The following TNS3 variants were observed in gnomAD, a reference collection of about 807,000 sequenced individuals.
TNS3 encodes tensin 3.
A neutral mutation model predicts 140.9 loss-of-function variants in TNS3; 45 were observed. The observed-to-expected ratio is 0.32, with a 90% CI of 0.25 to 0.41. The LOEUF is 0.41. TNS3 is among the 10% of genes least tolerant of loss of function. The pLI, the probability that TNS3 is intolerant of heterozygous loss-of-function variation, is 1.00. For missense variants in TNS3, 1,716 were observed against 1,906.7 expected (o/e 0.90, Z 1.86); for synonymous variants, 815 against 788.4 (o/e 1.03, Z -0.56).
chr7:47,495,586 A>G (rs1472158738), intron 3 of TNS3, among the ~76,000 whole-genome samples: 1 of 152,132 alleles, frequency 6.6e-6, no homozygotes, highest in African/African-American at 2.4e-5. Context: ...GGAAGACCTG[A>G]GTCTGAACGG....
intron 10 of TNS3, 67 bp from the exon 11 acceptor site, chr7:47,415,273 A>C: frequency 4.5e-6 from 5 of 1,110,324 alleles, no homozygotes; most frequent in Non-Finnish European, 6.5e-6. Context: ...AAGGGAACTC[A>C]AGGAGAAACA....
intron 4 of TNS3, among the ~76,000 whole-genome samples, chr7:47,469,545 A>T (rs1796858874): frequency 6.6e-6 from 1 of 152,248 alleles, no homozygotes; most frequent in African/African-American, 2.4e-5. Context: ...CAACTCACTT[A>T]TGGGTACATA....
rs1040085500 is a variant in TNS3, at chr7:47,546,783, G to A, written c.-264-17636C>T. Among the ~76,000 whole-genome samples, 9 of 152,176 alleles carry A rather than the reference G, an allele frequency of 5.9e-5. No individual in the cohort carries two copies. In the East Asian group the frequency reaches 1.3e-3, roughly 23 times the overall value. ...TAGCAGGGAACAGACATGGGCTTGC[G>A]GCATACCCCACTCATACTATAAACT... is the stretch of plus-strand genomic sequence containing the variant. On this transcript the variant is annotated intron_variant, in intron 1 of 30. Transcript: ENST00000311160.
chr7:47,529,548 T>A (rs1799319595), intron 1 of TNS3, among the ~76,000 whole-genome samples: 1 of 152,236 alleles, frequency 6.6e-6, no homozygotes, highest in Non-Finnish European at 1.5e-5. Flanking sequence ...CTGGAAAAAG[T>A]AATTAGCTAA....
intron 13 of TNS3, among the ~76,000 whole-genome samples, chr7:47,411,020 T>A (rs986049311): frequency 6.6e-6 from 1 of 152,240 alleles, no homozygotes; most frequent in Non-Finnish European, 1.5e-5. Flanking sequence ...TTGCACCAGC[T>A]GTATTTCACA....
chr7:47,411,733 A>G lies in TNS3; in HGVS notation c.717T>C (p.Asp239=). ...VIEPAQLLKG[D]VMVKCYHKKY... ...GGCCACAGCGGGCACTCACCATGACATCTCCCTTCAGAAGCTGGGCCGGCT... is the reference window on the plus strand; with the variant it reads ...GGCCACAGCGGGCACTCACCATGACGTCTCCCTTCAGAAGCTGGGCCGGCT... Residue 239 remains aspartate, a synonymous_variant, in exon 13 of 31, where the codon GAT becomes GAC. Coordinates refer to ENST00000311160, the MANE Select transcript of TNS3 (RefSeq NM_022748.12). 6.2e-7 allele frequency: 1 copy of G among 1,611,480 alleles called. No individual in the cohort carries two copies. The highest frequency in any genetic ancestry group is 1.3e-5 in the African/African-American group (1 of 74,980).
chr7:47,395,451 T>C (rs558176153), intron 16 of TNS3, among the ~76,000 whole-genome samples: 16 of 152,352 alleles, frequency 1.1e-4, no homozygotes, highest in African/African-American at 3.6e-4. Flanking sequence ...AATATAGCTA[T>C]GCAGATGCAA....
intron 3 of TNS3, among the ~76,000 whole-genome samples, chr7:47,482,774 C>T (rs1267413791): frequency 6.6e-6 from 1 of 151,972 alleles, no homozygotes; most frequent in African/African-American, 2.4e-5. Context: ...GGCAGGAAAA[C>T]ACAAAGAGGA....
chr7:47,567,579 G>A (rs116945813), intron 1 of TNS3, among the ~76,000 whole-genome samples: 6,703 of 151,762 alleles, frequency 0.044, 222 homozygotes, highest in Non-Finnish European at 0.062. Context: ...AGCTACTTGG[G>A]AGGCTGAGGC....
intron 20 of TNS3, among the ~76,000 whole-genome samples, chr7:47,308,387 A>C (rs1449267577): frequency 6.6e-6 from 1 of 152,214 alleles, no homozygotes; most frequent in Non-Finnish European, 1.5e-5. Flanking sequence ...AGTAAAAATA[A>C]ATGTCTTAAT....
intron 10 of TNS3, among the ~76,000 whole-genome samples, chr7:47,420,674 C>T (rs1794328561): frequency 6.6e-6 from 1 of 152,182 alleles, no homozygotes. Flanking sequence ...CACACTTGAC[C>T]TTCATGTGCC....
chr7:47,366,897 C>T (rs1562643633), intron 17 of TNS3, among the ~76,000 whole-genome samples: 1 of 152,232 alleles, frequency 6.6e-6, no homozygotes, highest in Non-Finnish European at 1.5e-5. Flanking sequence ...GTTACCAGCA[C>T]ATGGTGGGAA....
rs991590732 is a variant in TNS3 at position 47,280,155 on chromosome 7, G to A, written c.4193+9C>T. ...AAGGAGAGAATGTAAAGAAATCTCA[G>A]CAACTTACTTTGAGGAAGGGCCATC... On this transcript the variant is annotated intron_variant, in intron 30 of 30. Transcript: ENST00000311160. 2.5e-6 allele frequency: 4 copies of A among 1,613,996 alleles called. No individual in the cohort carries two copies. The African/African-American group carries it at 5.3e-5, about 22-fold the overall frequency.
At chr7:47,454,998 C>T (rs10267981) in intron 4 of TNS3, among the ~76,000 whole-genome samples, 1 of 152,208 alleles carries the variant, frequency 6.6e-6, no homozygotes, top group African/African-American at 2.4e-5. Context: ...CCCACCCAAA[C>T]TCACACAGAT....
chr7:47,298,662 A>G (rs1335686637), intron 23 of TNS3, among the ~76,000 whole-genome samples: 2 of 152,236 alleles, frequency 1.3e-5, no homozygotes, highest in Non-Finnish European at 2.9e-5. Context: ...TGAACCAGTA[A>G]GTGCTGGGAT....
chr7:47,574,917 A>G (rs1198245701), intron 1 of TNS3, among the ~76,000 whole-genome samples: 1 of 152,130 alleles, frequency 6.6e-6, no homozygotes, highest in East Asian at 1.9e-4. Flanking sequence ...CAAAATGGAA[A>G]GAGTTCTGGA....
chr7:47,560,220 A>G (rs1800295288), intron 1 of TNS3, among the ~76,000 whole-genome samples: 1 of 151,816 alleles, frequency 6.6e-6, no homozygotes. Flanking sequence ...GAGCCTCAGG[A>G]TGGGCTTAGG....
At chr7:47,315,434 T>C (rs1787342337) in intron 20 of TNS3, among the ~76,000 whole-genome samples, 1 of 152,194 alleles carries the variant, frequency 6.6e-6, no homozygotes, top group Admixed American at 6.5e-5. Context: ...GCTCCTCTCC[T>C]CTCGGCTTCC....
intron 9 of TNS3, among the ~76,000 whole-genome samples, chr7:47,427,681 T>C (rs756908022): frequency 3.0e-4 from 46 of 152,112 alleles, no homozygotes; most frequent in Non-Finnish European, 5.1e-4. Context: ...GGGACCCGAG[T>C]GGCACCTCCA....
Sources: gnomAD v4.1 joint callset for allele counts (sites outside exome capture counted in the v4.1 genomes callset) on GRCh38, gnomAD v4.1.1 for gene constraint, MANE v1.5 for transcripts, NCBI Gene and HGNC (gene_info 2026-07-23, HGNC 2026-07-21) for gene names.